The following MYO1A variants were observed in gnomAD, a reference collection of about 807,000 sequenced individuals.
MYO1A encodes unconventional myosin-Ia.
A neutral mutation model predicts 138.5 loss-of-function variants in MYO1A; 127 were observed. The observed-to-expected ratio is 0.92, with a 90% CI of 0.79 to 1.06. The LOEUF is 1.06. MYO1A is among the 50% of genes least tolerant of loss of function. The pLI is 0.00. For missense variants in MYO1A, 1,211 were observed against 1,288.8 expected (o/e 0.94, Z 0.92); for synonymous variants, 477 against 497.5 (o/e 0.96, Z 0.55).
intron 22 of MYO1A, among the ~76,000 whole-genome samples, chr12:57,034,932 C>T (rs1375594058): frequency 6.6e-6 from 1 of 151,950 alleles, no homozygotes; most frequent in South Asian, 2.1e-4. Context: ...CGCCATTGTA[C>T]TCCAGCCTGG....
intron 8 of MYO1A, among the ~76,000 whole-genome samples, chr12:57,045,201 G>A (rs551463404): frequency 1.3e-3 from 194 of 152,244 alleles, no homozygotes; most frequent in Non-Finnish European, 3.8e-4. Flanking sequence ...TGGCATGCAG[G>A]AAATTTTCTC....
At chr12:57,046,481 G>A in intron 8 of MYO1A, 71 bp downstream of exon 8, 1 of 1,186,222 alleles carries the variant, frequency 8.4e-7, no homozygotes, top group South Asian at 1.2e-5. Flanking sequence ...CAGGGGTTCT[G>A]GGACTGAATG....
Position 57,030,225 on chromosome 12 carries a change from G to A in MYO1A, c.2576C>T (p.Ala859Val). 6.2e-7 allele frequency: 1 copy of A among 1,614,102 alleles called. No homozygotes were observed. Among genetic ancestry groups the A allele is most frequent in the South Asian group, 1.1e-5 (1 of 91,078 alleles). ...AGGCCCTCACCTCTGGGGATATGAA[G>A]CCTTCTTGCCCTTGAACAGTTCACT... Reference protein sequence around the residue: ...CASELFKGKKASYPQSVPIPF... With the variant: ...CASELFKGKKVSYPQSVPIPF... Residue 859 changes from alanine (A) to valine (V), a missense_variant, in exon 24 of 28, where the codon GCT becomes GTT. Coordinates refer to ENST00000300119, the MANE Select transcript of MYO1A (RefSeq NM_005379.4).
intron 12 of MYO1A, among the ~76,000 whole-genome samples, chr12:57,041,926 TCTA>T (rs925661185): frequency 6.6e-6 from 1 of 152,252 alleles, no homozygotes; most frequent in Admixed American, 6.5e-5. Flanking sequence ...TCCTTCTTAT[TCTA>T]CTACCTTTCA....
At chr12:57,039,034 C>G (rs756770511) in intron 15 of MYO1A, 25 bp from the exon 16 acceptor site, 104 of 1,607,540 alleles carry the variant, frequency 6.5e-5, no homozygotes, top group Non-Finnish European at 8.4e-5. Context: ...CAAAAGAAGC[C>G]CAACCTAAAT....
chr12:57,029,077 C>T, intron 27 of MYO1A, 55 bp downstream of exon 27: 1 of 1,613,804 alleles, frequency 6.2e-7, no homozygotes. Flanking sequence ...TCACGATGAC[C>T]ATCAGCCTGG....
In MYO1A at chr12:57,047,357, C is replaced by G. The variant is rs151045364; in HGVS notation, c.376G>C (p.Glu126Gln). The G allele has an allele frequency of 1.2e-6, 2 of 1,614,194 alleles. No homozygotes were observed. The highest frequency in any genetic ancestry group is 1.7e-5 in the Admixed American group (1 of 60,032). ...SYVAAVCGKG[E>Q]QVNSVKEQLL... is the part of the protein sequence containing the mutation. ...TGCTCCTTCACAGAGTTCACCTGCT[C>G]TCCTTTCCCACAGACGGCAGCCACA... Residue 126 changes from glutamate to glutamine, a missense_variant, in exon 5 of 28, where the codon GAG becomes CAG. Transcript: ENST00000300119.
At chr12:57,040,974 A>G (rs927714935) in intron 14 of MYO1A, among the ~76,000 whole-genome samples, 1 of 152,092 alleles carries the variant, frequency 6.6e-6, no homozygotes, top group African/African-American at 2.4e-5. Context: ...CCACACATGT[A>G]CCCTGGGAGG....
At chr12:57,031,237 G>A (rs2030271435) in intron 22 of MYO1A, 63 bp from the exon 23 acceptor site, 3 of 1,597,088 alleles carry the variant, frequency 1.9e-6, no homozygotes, top group Non-Finnish European at 1.7e-6. Context: ...CAGGCAAACT[G>A]GCACCCAGAT....
chr12:57,038,382 A>C, intron 17 of MYO1A, 30 bp downstream of exon 17: 1 of 1,607,072 alleles, frequency 6.2e-7, no homozygotes, highest in Non-Finnish European at 8.5e-7. Context: ...TCACATATGT[A>C]GCATGTTCCC....
At position 57,048,244 on chromosome 12, in the gene MYO1A, T is replaced by C. The variant is rs1192908496; in HGVS notation, c.80A>G (p.Asn27Ser). 3.1e-6 allele frequency: 5 copies of C among 1,614,120 alleles called. No homozygotes were observed. The East Asian group carries it at 6.7e-5, about 22-fold the overall frequency. The change falls in exon 2 of 28, where the codon AAT becomes AGT. Residue 27 changes from asparagine (N) to serine (S), a missense_variant. By Grantham distance (46) the Asn-to-Ser change is conservative. Coordinates refer to ENST00000300119, the MANE Select transcript of MYO1A (RefSeq NM_005379.4). ...CTTGTTTTCATAGCGAAGCTGAAGATTCTTGAGCAGTGACTCCTCCACCAA... is the reference window on the plus strand; with the variant it reads ...CTTGTTTTCATAGCGAAGCTGAAGACTCTTGAGCAGTGACTCCTCCACCAA... ...EPLVEESLLK[N>S]LQLRYENKEI... is the part of the protein sequence containing the mutation.
At chr12:57,035,709 T>C (rs2030506266) in intron 22 of MYO1A, among the ~76,000 whole-genome samples, 1 of 152,238 alleles carries the variant, frequency 6.6e-6, no homozygotes, top group Admixed American at 6.5e-5. Flanking sequence ...GAAGTTACTC[T>C]TCTCTGTCCC....
At position 57,034,599 on chromosome 12, in the gene MYO1A, G is replaced by A. The variant is rs188484750; in HGVS notation, c.2349+1708C>T. On this transcript the variant is annotated intron_variant, in intron 22 of 27. Coordinates refer to ENST00000300119, the MANE Select transcript of MYO1A (RefSeq NM_005379.4). ...CGAGGCTGAAGGATGGCTTGAGCCC[G>A]GGAGATGGAGGTTGCAGTGAGCCGA... Among the ~76,000 whole-genome samples, 45 of 152,218 alleles carry A rather than the reference G, an allele frequency of 3.0e-4. 1 individual carries two copies. In the East Asian group the frequency reaches 7.9e-3, roughly 27 times the overall value.
chr12:57,047,860 C>G, intron 3 of MYO1A, 129 bp downstream of exon 3: 1 of 1,560,030 alleles, frequency 6.4e-7, no homozygotes, highest in Non-Finnish European at 8.7e-7. Flanking sequence ...TTGGAAGGGG[C>G]CTCCAGAAGG....
intron 27 of MYO1A, 110 bp from the exon 28 acceptor site, chr12:57,028,991 A>G (rs2030121894): frequency 6.3e-7 from 1 of 1,590,670 alleles, no homozygotes; most frequent in Non-Finnish European, 8.6e-7. Context: ...GGCCCCAGAG[A>G]ACCTGGGTGG....
At chr12:57,045,403 G>T (rs895886508) in intron 8 of MYO1A, among the ~76,000 whole-genome samples, 1 of 152,140 alleles carries the variant, frequency 6.6e-6, no homozygotes, top group Non-Finnish European at 1.5e-5. Context: ...GCCTGCTAAG[G>T]AGGGTATCTG....
At position 57,038,529 on chromosome 12, in the gene MYO1A, G is replaced by T; in HGVS notation, c.1643C>A (p.Pro548His). 1.2e-6 allele frequency: 2 copies of T among 1,614,188 alleles called. No individual in the cohort carries two copies. The highest frequency in any genetic ancestry group is 1.7e-6 in the Non-Finnish European group (2 of 1,180,042). The part of the protein sequence containing the change: ...AQHPLLRSLF[P>H]EGNPKQASLK... ...AGATGCCTGCTTAGGATTGCCCTCA[G>T]GAAACAAGGACCGAAGGAGGGGGTG... Residue 548 changes from proline to histidine, a missense_variant, in exon 17 of 28, where the codon CCT becomes CAT. Pro to His is a moderately conservative substitution (Grantham distance 77). Transcript: ENST00000300119.
intron 23 of MYO1A, 92 bp downstream of exon 23, chr12:57,030,948 G>C: frequency 6.7e-7 from 1 of 1,497,318 alleles, no homozygotes; most frequent in Non-Finnish European, 9.1e-7. Context: ...TTTTTTAATG[G>C]GAAAAAAATA....
In MYO1A at chr12:57,039,221, G is replaced by T; in HGVS notation, c.1323C>A (p.Leu441=). The change falls in exon 15 of 28, where the codon CTC becomes CTA. Residue 441 remains leucine, a synonymous_variant. Transcript: ENST00000300119. ...GAGAATGACAACTCACATGCTCAAT[G>T]AGCTTACAAATGATGCCATTATCAA... ...DYFDNGIICK[L]IEHNQRGILA... is the part of the protein sequence containing the mutation. The T allele has an allele frequency of 1.2e-6, 2 of 1,614,032 alleles. No homozygotes were observed. Among genetic ancestry groups the T allele is most frequent in the East Asian group, 4.5e-5 (2 of 44,876 alleles).
Sources: gnomAD v4.1 joint callset for allele counts (sites outside exome capture counted in the v4.1 genomes callset) on GRCh38, gnomAD v4.1.1 for gene constraint, MANE v1.5 for transcripts, NCBI Gene and HGNC (gene_info 2026-07-23, HGNC 2026-07-21) for gene names.